Variants in ARHGAP42 observed in about 807,000 individuals in gnomAD.
The protein encoded by ARHGAP42 is Rho GTPase activating protein 42, also known as rho GTPase-activating protein 42.
In ARHGAP42, 63 loss-of-function variants were observed where a neutral mutation model predicts 125.0. The observed-to-expected ratio is 0.50, with a 90% CI of 0.41 to 0.62. The LOEUF is 0.62. ARHGAP42 is among the 20% of genes least tolerant of loss of function. The probability of loss-of-function intolerance (pLI) is 0.00; values close to 1 mark genes in which losing one functional copy is unlikely to be tolerated. For missense variants in ARHGAP42, 766 were observed against 1,024.2 expected (o/e 0.75, Z 3.44); for synonymous variants, 339 against 351.0 (o/e 0.97, Z 0.38).
At chr11:100,798,020 A>G (rs1227523774) in intron 3 of ARHGAP42, among the ~76,000 whole-genome samples, 2 of 152,224 alleles carry the variant, frequency 1.3e-5, no homozygotes, top group Non-Finnish European at 2.9e-5. Flanking sequence ...GTGATGGAAG[A>G]TTTAAGAGAA....
chr11:100,764,507 G>C (rs1255605360), intron 1 of ARHGAP42, among the ~76,000 whole-genome samples: 1 of 152,160 alleles, frequency 6.6e-6, no homozygotes, highest in Non-Finnish European at 1.5e-5. Flanking sequence ...AAGTATGTAA[G>C]AACTTTGAAA....
At chr11:100,942,235 G>T (rs1452350369) in intron 9 of ARHGAP42, among the ~76,000 whole-genome samples, 1 of 152,124 alleles carries the variant, frequency 6.6e-6, no homozygotes, top group African/African-American at 2.4e-5. Context: ...CAGGCTCAAG[G>T]ATTCTGTATC....
At chr11:100,765,285 AC>A (rs1358648419) in intron 1 of ARHGAP42, among the ~76,000 whole-genome samples, 1 of 151,996 alleles carries the variant, frequency 6.6e-6, no homozygotes, top group Non-Finnish European at 1.5e-5. Context: ...TAACAACTCT[AC>A]CCCTACACAC....
chr11:100,801,636 T>C (rs1313063000), intron 3 of ARHGAP42, among the ~76,000 whole-genome samples: 2 of 152,234 alleles, frequency 1.3e-5, no homozygotes, highest in South Asian at 2.1e-4. Context: ...TTTGTTTTTT[T>C]ACATTTCTGC....
At chr11:100,872,037 C>A (rs1439917072) in intron 4 of ARHGAP42, among the ~76,000 whole-genome samples, 1 of 152,192 alleles carries the variant, frequency 6.6e-6, no homozygotes, top group Non-Finnish European at 1.5e-5. Flanking sequence ...GCCACTGCAC[C>A]CAGCCTGGTT....
intron 17 of ARHGAP42, 32 bp downstream of exon 17, chr11:100,965,808 T>G: frequency 6.7e-7 from 1 of 1,494,784 alleles, no homozygotes; most frequent in Non-Finnish European, 9.1e-7. Context: ...TTCATTTAAC[T>G]TATTGTTCAT....
At chr11:100,898,364 T>G (rs1309574983) in intron 4 of ARHGAP42, among the ~76,000 whole-genome samples, 1 of 152,210 alleles carries the variant, frequency 6.6e-6, no homozygotes, top group Admixed American at 6.5e-5. Context: ...ATAAAATGAA[T>G]TGGGGAAGAT....
At chr11:100,883,226 G>T (rs1038141513) in intron 4 of ARHGAP42, among the ~76,000 whole-genome samples, 1 of 152,012 alleles carries the variant, frequency 6.6e-6, no homozygotes, top group Admixed American at 6.6e-5. Flanking sequence ...CTTTGTACAT[G>T]CCAGTGTTCA....
chr11:100,774,179 C>T (rs906543494), intron 2 of ARHGAP42, among the ~76,000 whole-genome samples: 5 of 152,126 alleles, frequency 3.3e-5, no homozygotes, highest in Non-Finnish European at 7.4e-5. Flanking sequence ...AGAATCATTG[C>T]TGACCTGGAA....
At chr11:100,944,401 A>G (rs1867962642) in intron 10 of ARHGAP42, among the ~76,000 whole-genome samples, 1 of 152,140 alleles carries the variant, frequency 6.6e-6, no homozygotes, top group South Asian at 2.1e-4. Flanking sequence ...TAAGTTTACA[A>G]TAAGAATGGG....
At chr11:100,813,141 GGCGGCA>G (rs1864185619) in intron 3 of ARHGAP42, among the ~76,000 whole-genome samples, 1 of 151,930 alleles carries the variant, frequency 6.6e-6, no homozygotes, top group South Asian at 2.1e-4. Flanking sequence ...GAGAAAGGGA[GGCGGCA>G]ATGATGTGTC....
intron 1 of ARHGAP42, among the ~76,000 whole-genome samples, chr11:100,765,518 G>A (rs1005625725): frequency 6.6e-6 from 1 of 152,078 alleles, no homozygotes; most frequent in Non-Finnish European, 1.5e-5. Flanking sequence ...TAGTTCTTGC[G>A]GCTATTGTGA....
intron 10 of ARHGAP42, among the ~76,000 whole-genome samples, chr11:100,946,087 A>G (rs1868008870): frequency 6.6e-6 from 1 of 152,050 alleles, no homozygotes; most frequent in African/African-American, 2.4e-5. Context: ...TTACTGCTTC[A>G]TCTTATACTT....
intron 1 of ARHGAP42, among the ~76,000 whole-genome samples, chr11:100,763,023 A>G (rs999263324): frequency 9.1e-5 from 11 of 120,746 alleles, no homozygotes; most frequent in Non-Finnish European, 1.8e-4. Flanking sequence ...GTTGTTGCCC[A>G]GGCTAGAGTG....
chr11:100,807,341 A>G (rs1864021257), intron 3 of ARHGAP42, among the ~76,000 whole-genome samples: 1 of 151,850 alleles, frequency 6.6e-6, no homozygotes, highest in Non-Finnish European at 1.5e-5. Flanking sequence ...GATTACAGGC[A>G]TGCATCAACA....
At chr11:100,827,384 G>A (rs1469949147) in intron 3 of ARHGAP42, among the ~76,000 whole-genome samples, 1 of 152,140 alleles carries the variant, frequency 6.6e-6, no homozygotes, top group Admixed American at 6.5e-5. Flanking sequence ...CCTAGTTGTG[G>A]GGTCATGGTA....
Position 100,972,629 on chromosome 11 carries a change from G to T in ARHGAP42, c.1551-546G>T, listed in dbSNP as rs904279782. 3.9e-5 allele frequency among the ~76,000 whole-genome samples: 6 copies of T among 152,142 alleles called. No homozygotes were observed. In the South Asian group the frequency reaches 1.2e-3, roughly 31 times the overall value. On this transcript the variant is annotated intron_variant, in intron 17 of 23. Coordinates refer to ENST00000298815, the MANE Select transcript of ARHGAP42 (RefSeq NM_152432.4). Reference sequence around the variant, plus strand: ...AAGGAACCCACTGACTTGCAGTCAGGAGACCTGAATTGAAACAGCCACCTC... The same window carrying T: ...AAGGAACCCACTGACTTGCAGTCAGTAGACCTGAATTGAAACAGCCACCTC...
intron 1 of ARHGAP42, among the ~76,000 whole-genome samples, chr11:100,723,873 T>A (rs540219665): frequency 1.3e-5 from 2 of 152,206 alleles, no homozygotes. Flanking sequence ...CTATTCAATA[T>A]GACATTAGCT....
chr11:100,786,685 G>A (rs897448042), intron 2 of ARHGAP42, among the ~76,000 whole-genome samples: 2 of 152,058 alleles, frequency 1.3e-5, no homozygotes, highest in Non-Finnish European at 2.9e-5. Context: ...AATTATTTCC[G>A]TAATCTACTG....
Sources: allele counts gnomAD v4.1 joint callset (sites outside exome capture counted in the v4.1 genomes callset), GRCh38; gene constraint gnomAD v4.1.1; transcripts MANE v1.5; gene names NCBI Gene and HGNC (gene_info 2026-07-23, HGNC 2026-07-21).